FBN1: variants seen among roughly 807,000 people sequenced by gnomAD.
FBN1 encodes the protein fibrillin 1, also known as fibrillin-1.
Under a neutral mutation model 365.1 loss-of-function variants are expected in FBN1, and 29 were observed. The observed-to-expected ratio is 0.08, with a 90% CI of 0.06 to 0.11. The LOEUF (loss-of-function observed/expected upper bound fraction) is 0.11, where lower values mean the gene tolerates loss of function less well. FBN1 is among the 10% of genes least tolerant of loss of function. FBN1 has a pLI of 1.00. For missense variants in FBN1, 2,476 were observed against 3,703.2 expected (o/e 0.67, Z 8.60); for synonymous variants, 1,210 against 1,270.5 (o/e 0.95, Z 1.01).
chr15:48,441,901 G>C lies in FBN1; in HGVS notation c.6038-55C>G, dbSNP rs1376045854. 6.9e-6 allele frequency: 11 copies of C among 1,595,734 alleles called. No homozygotes were observed. The African/African-American group carries it at 1.5e-4, about 21-fold the overall frequency. The stretch of plus-strand genomic sequence containing the variant: ...CAAAACACGATGGAGACATCATCAG[G>C]TACCAAACACACAATGTGGACACAC... On this transcript the variant is annotated intron_variant, in intron 49 of 65. Transcript: ENST00000316623.
chr15:48,530,078 C>T (rs1406529357), intron 8 of FBN1, among the ~76,000 whole-genome samples: 2 of 71,112 alleles, frequency 2.8e-5, no homozygotes, highest in East Asian at 4.2e-4. Context: ...ATCCGCCGCC[C>T]GATCACAACT....
chr15:48,508,793 G>A (rs752743893), intron 14 of FBN1, 89 bp from the exon 15 acceptor site: 54 of 1,503,392 alleles, frequency 3.6e-5, no homozygotes, highest in African/African-American at 1.4e-4. Flanking sequence ...CTGTTTCTTC[G>A]TATTTCTTTC....
chr15:48,463,708 A>G (rs2043298352), intron 41 of FBN1, among the ~76,000 whole-genome samples, 191 bp downstream of exon 41: 1 of 152,206 alleles, frequency 6.6e-6, no homozygotes. Context: ...AAAACTCCCA[A>G]CCACCCACCC....
chr15:48,579,116 G>T (rs889434658), intron 6 of FBN1, among the ~76,000 whole-genome samples: 7 of 151,868 alleles, frequency 4.6e-5, no homozygotes, highest in African/African-American at 1.7e-4. Flanking sequence ...GGTAAGCACA[G>T]CTTTGAAAGG....
chr15:48,508,917 G>A (rs1337941181), intron 14 of FBN1, among the ~76,000 whole-genome samples: 2 of 152,164 alleles, frequency 1.3e-5, no homozygotes, highest in African/African-American at 2.4e-5. Context: ...GCATGTGCAT[G>A]CAAACTCTAG....
rs2044387879 is a variant in FBN1 at position 48,581,040 on chromosome 15, G to A, written c.538+15243C>T. On this transcript the variant is annotated intron_variant, in intron 6 of 65. Coordinates refer to ENST00000316623, the MANE Select transcript of FBN1 (RefSeq NM_000138.5). Reference sequence around the variant, plus strand: ...GAGCTCAGAACATCATCACAGCAATGCACCAACAAATCATGCACTACACCA... The same window carrying A: ...GAGCTCAGAACATCATCACAGCAATACACCAACAAATCATGCACTACACCA... Among the ~76,000 whole-genome samples, 3 of 152,112 alleles carry A rather than the reference G, an allele frequency of 2.0e-5. No individual in the cohort carries two copies. The South Asian group carries it at 6.2e-4, about 32-fold the overall frequency.
At chr15:48,469,111 A>G (rs530970999) in intron 36 of FBN1, among the ~76,000 whole-genome samples, 2 of 101,974 alleles carry the variant, frequency 2.0e-5, no homozygotes, top group East Asian at 8.7e-4. Context: ...AATATATATT[A>G]CATATATATA....
chr15:48,504,013 A>C (rs543071787), intron 16 of FBN1, 74 bp from the exon 17 acceptor site: 2 of 1,566,844 alleles, frequency 1.3e-6, no homozygotes, highest in East Asian at 4.5e-5. Flanking sequence ...AAAGTTGAAG[A>C]GGGCTTTATT....
intron 64 of FBN1, among the ~76,000 whole-genome samples, chr15:48,415,307 C>T (rs1232760877): frequency 2.0e-5 from 3 of 152,180 alleles, no homozygotes; most frequent in Non-Finnish European, 4.4e-5. Flanking sequence ...AGTCATATAG[C>T]GAGATATTTA....
chr15:48,563,551 TA>T (rs2044239543), intron 6 of FBN1, among the ~76,000 whole-genome samples: 1 of 152,224 alleles, frequency 6.6e-6, no homozygotes, highest in Non-Finnish European at 1.5e-5. Flanking sequence ...TATACATTTA[TA>T]AAACAAAATA....
chr15:48,533,654 G>A (rs1452718066), intron 8 of FBN1, among the ~76,000 whole-genome samples: 1 of 152,134 alleles, frequency 6.6e-6, no homozygotes, highest in African/African-American at 2.4e-5. Flanking sequence ...AGGGTTAATA[G>A]ATCAATCTGC....
In FBN1 at chr15:48,463,349, G is replaced by C. The variant is rs568574534; in HGVS notation, c.5066-109C>G. The stretch of plus-strand genomic sequence containing the variant: ...AAGCAAGTTTCATTTGAATTGTATT[G>C]TAGCTTGACTTTGATAAGGACACAA... On this transcript the variant is annotated intron_variant, in intron 41 of 65. Coordinates refer to ENST00000316623, the MANE Select transcript of FBN1 (RefSeq NM_000138.5). 1.6e-5 allele frequency: 18 copies of C among 1,101,840 alleles called. No homozygotes were observed. The African/African-American group carries it at 2.8e-4, about 17-fold the overall frequency. The allele number at this position is 1,101,840 out of a possible 1,614,324, so 68.3% of individuals were successfully genotyped here.
chr15:48,470,200 C>G, intron 36 of FBN1, among the ~76,000 whole-genome samples: 1 of 152,138 alleles, frequency 6.6e-6, no homozygotes, highest in African/African-American at 2.4e-5. Flanking sequence ...GCTCTGTGTA[C>G]CCAGTACTCT....
intron 6 of FBN1, among the ~76,000 whole-genome samples, chr15:48,543,036 C>A (rs189226444): frequency 1.6e-4 from 24 of 152,258 alleles, no homozygotes; most frequent in Non-Finnish European, 2.9e-5. Flanking sequence ...AAATACTATT[C>A]ATTTCCACAG....
intron 6 of FBN1, among the ~76,000 whole-genome samples, chr15:48,592,808 A>G (rs686861): frequency 0.09 from 13,736 of 152,262 alleles, 651 homozygotes; most frequent in Middle Eastern, 0.16. Context: ...AGATGTGACA[A>G]TAGGTAGTGG....
At chr15:48,425,920 A>G in intron 58 of FBN1, 56 bp from the exon 59 acceptor site, 1 of 1,373,710 alleles carries the variant, frequency 7.3e-7, no homozygotes, top group Non-Finnish European at 1.0e-6. Context: ...CAACATTAAT[A>G]TGTAGGGGGT....
chr15:48,490,512 C>T (rs547896348), intron 24 of FBN1, among the ~76,000 whole-genome samples: 1 of 152,296 alleles, frequency 6.6e-6, no homozygotes, highest in East Asian at 1.9e-4. Flanking sequence ...TCACCTTTTC[C>T]TCCGACCCAC....
chr15:48,494,140 C>T, intron 23 of FBN1, 64 bp downstream of exon 23: 1 of 1,289,136 alleles, frequency 7.8e-7, no homozygotes. Flanking sequence ...TTTATCCAGT[C>T]CGAGTTAACA....
chr15:48,619,844 G>A (rs1889732256), intron 2 of FBN1, among the ~76,000 whole-genome samples: 1 of 150,264 alleles, frequency 6.7e-6, no homozygotes, highest in Non-Finnish European at 1.5e-5. Flanking sequence ...TAACAAACCT[G>A]CACATGTACC....
Sources: allele counts gnomAD v4.1 joint callset (sites outside exome capture counted in the v4.1 genomes callset), GRCh38; gene constraint gnomAD v4.1.1; transcripts MANE v1.5; gene names NCBI Gene and HGNC (gene_info 2026-07-23, HGNC 2026-07-21).